The following RASA3 variants were observed in gnomAD, a reference collection of about 807,000 sequenced individuals.
The protein encoded by RASA3 is RAS p21 protein activator 3.
A neutral mutation model predicts 110.0 loss-of-function variants in RASA3; 73 were observed. The observed-to-expected ratio is 0.66, with a 90% confidence interval of 0.55 to 0.81. The LOEUF (loss-of-function observed/expected upper bound fraction) is 0.81. Ranked by LOEUF, RASA3 falls within the 30% of genes least tolerant of loss-of-function variation. RASA3 has a pLI of 0.00. For missense variants in RASA3, 976 were observed against 1,113.2 expected (o/e 0.88, Z 1.75); for synonymous variants, 500 against 451.4 (o/e 1.11, Z -1.37).
chr13:114,011,846 C>T lies in RASA3; in HGVS notation c.1513-598G>A, dbSNP rs1297847838. Among the ~76,000 whole-genome samples, 2 of 152,046 alleles carry T rather than the reference C, an allele frequency of 1.3e-5. No homozygotes were observed. Among genetic ancestry groups the T allele is most frequent in the East Asian group, 3.9e-4 (2 of 5,178 alleles). On this transcript the variant is annotated intron_variant, in intron 15 of 23. Coordinates refer to ENST00000334062, the MANE Select transcript of RASA3 (RefSeq NM_007368.4). This position sits in a 1 kb window ranked among gnomAD's most constrained non-coding sequence, Gnocchi z 4.8. Reference sequence around the variant, plus strand: ...CTGACGCACGAGAATTGCTTGAACCCAGGAGGCAGAGGTTGCAGTGAGCTG... The same window carrying T: ...CTGACGCACGAGAATTGCTTGAACCTAGGAGGCAGAGGTTGCAGTGAGCTG...
intron 3 of RASA3, among the ~76,000 whole-genome samples, chr13:114,042,294 G>A (rs1045270443): frequency 3.9e-5 from 6 of 152,220 alleles, no homozygotes; most frequent in African/African-American, 1.2e-4. Context: ...CGCACACTGC[G>A]GACCACGCCA....
intron 1 of RASA3, among the ~76,000 whole-genome samples, chr13:114,123,150 G>A (rs925486188): frequency 1.3e-5 from 2 of 152,178 alleles, no homozygotes; most frequent in African/African-American, 4.8e-5. Context: ...CCGGAAACAT[G>A]TGTCCTGCAC....
chr13:114,016,655 G>A (rs1168542383), intron 12 of RASA3, among the ~76,000 whole-genome samples: 1 of 152,246 alleles, frequency 6.6e-6, no homozygotes, highest in Non-Finnish European at 1.5e-5. Flanking sequence ...CAGGAGTGAT[G>A]TGCACCAGCC....
intron 2 of RASA3, among the ~76,000 whole-genome samples, chr13:114,063,678 G>A (rs2079399715): frequency 6.6e-6 from 1 of 152,192 alleles, no homozygotes; most frequent in Non-Finnish European, 1.5e-5. Flanking sequence ...GAGCAGCAGG[G>A]GTGAGCACCC....
intron 19 of RASA3, among the ~76,000 whole-genome samples, chr13:114,000,526 G>A (rs2053370320): frequency 6.6e-6 from 1 of 152,204 alleles, no homozygotes; most frequent in African/African-American, 2.4e-5. Context: ...GCCATGACGA[G>A]GCGACCAGAG....
chr13:114,112,122 G>C lies in RASA3; in HGVS notation c.55+20313C>G, dbSNP rs2080228458. Among the ~76,000 whole-genome samples the C allele has an allele frequency of 6.8e-6, 1 of 146,906 alleles. No individual in the cohort carries two copies. The highest frequency in any genetic ancestry group is 2.1e-4 in the East Asian group (1 of 4,808). Reference sequence around the variant, plus strand: ...GCACCCCCCCCAGCAACTGGGACAAGGGCACACCAGGCTAATTTTTAATCA... The same window carrying C: ...GCACCCCCCCCAGCAACTGGGACAACGGCACACCAGGCTAATTTTTAATCA... On this transcript the variant is annotated intron_variant, in intron 1 of 23. Transcript: ENST00000334062. The surrounding 1 kb of genome is among the most constrained non-coding windows in gnomAD (Gnocchi z 4.8).
intron 3 of RASA3, among the ~76,000 whole-genome samples, chr13:114,050,207 G>C (rs1250764926): frequency 6.6e-6 from 1 of 152,150 alleles, no homozygotes; most frequent in African/African-American, 2.4e-5. Context: ...GGGGTGCAGG[G>C]GTCACGCTGG....
In RASA3 at chr13:114,018,818, G is replaced by C. The variant is rs1393085894; in HGVS notation, c.887C>G (p.Ser296Cys). The change falls in exon 10 of 24, where the codon TCT becomes TGT. Residue 296 changes from serine to cysteine, a missense_variant. This residue lies in a region of RASA3 where 732 missense variants were observed against 779.7 expected (regional missense o/e 0.94). Transcript: ENST00000334062. ...NVVYTEDHVF[S>C]SDYYSPLRDL... ...CCGCAGAGGGCTGTAATAGTCAGAA[G>C]AAAACACGTGGTCTTCCGTGTATAC... The C allele has an allele frequency of 6.2e-7, 1 of 1,613,816 alleles. No homozygotes were observed. Among genetic ancestry groups the C allele is most frequent in the Non-Finnish European group, 8.5e-7 (1 of 1,180,000 alleles).
chr13:114,122,739 C>T (rs1042550229), intron 1 of RASA3, among the ~76,000 whole-genome samples: 8 of 151,482 alleles, frequency 5.3e-5, no homozygotes, highest in African/African-American at 1.2e-4. Flanking sequence ...AGGGGGTCTC[C>T]GGCCGGTCGG....
At chr13:114,018,970 G>A (rs754810342) in intron 9 of RASA3, 51 bp from the exon 10 acceptor site, 2 of 1,605,972 alleles carry the variant, frequency 1.2e-6, no homozygotes, top group Admixed American at 1.7e-5. Context: ...ATCTGCCAAG[G>A]AGCAGCTCTC....
intron 2 of RASA3, among the ~76,000 whole-genome samples, chr13:114,058,290 C>G (rs938100332): frequency 6.6e-6 from 1 of 152,152 alleles, no homozygotes; most frequent in African/African-American, 2.4e-5. Flanking sequence ...GCGGCGAGGC[C>G]GTCACCACCA....
At chr13:114,094,321 A>C (rs747423065) in intron 1 of RASA3, among the ~76,000 whole-genome samples, 3 of 152,244 alleles carry the variant, frequency 2.0e-5, no homozygotes, top group African/African-American at 2.4e-5. Flanking sequence ...TGCAAATCAA[A>C]ACAAACACGA....
At position 113,978,482 on chromosome 13, in the gene RASA3, CAT is replaced by C. The variant is rs2052829485; in HGVS notation, c.*863_*864del. On this transcript the variant is annotated 3_prime_UTR_variant, in exon 24 of 24. Transcript: ENST00000334062. ...CTAATTAAAAATGGTCCTTCAAAAA[CAT>C]AAAGAAAAACAGCTTGAAAAATGTA... 3 of 152,158 alleles carry C rather than the reference CAT, an allele frequency of 2.0e-5. No individual in the cohort carries two copies. The highest frequency in any genetic ancestry group is 4.4e-5 in the Non-Finnish European group (3 of 68,028). 9.4% of individuals were successfully genotyped at this position (152,158 alleles called of 1,614,324 possible).
chr13:114,122,786 G>A (rs915238529), intron 1 of RASA3, among the ~76,000 whole-genome samples: 19 of 152,112 alleles, frequency 1.2e-4, no homozygotes, highest in African/African-American at 2.9e-4. Flanking sequence ...GGGGGTCTCC[G>A]GCAGGTCGGC....
intron 8 of RASA3, among the ~76,000 whole-genome samples, chr13:114,023,571 G>C (rs1010712348): frequency 6.6e-6 from 1 of 152,226 alleles, no homozygotes; most frequent in Admixed American, 6.5e-5. Flanking sequence ...GGAACCCGCC[G>C]GGGTTTGTGA....
In RASA3 at chr13:114,014,106, GTCTC is replaced by G. The variant is rs112560884; in HGVS notation, c.1406-862_1406-859del. Among the ~76,000 whole-genome samples the G allele has an allele frequency of 2.8e-4, 36 of 130,902 alleles. No homozygotes were observed. Among genetic ancestry groups the G allele is most frequent in the African/African-American group, 6.0e-4 (21 of 34,856 alleles). The allele number at this position is 130,902 out of a possible 152,430, so 85.9% of individuals were successfully genotyped here. The stretch of plus-strand genomic sequence containing the variant: ...TCTGCCTCTCTCTCCGTCTCTCCCT[GTCTC>G]TCTCTCTCTCTCCTTGTCTCTCTCT... On this transcript the variant is annotated intron_variant, in intron 14 of 23. Coordinates refer to ENST00000334062, the MANE Select transcript of RASA3 (RefSeq NM_007368.4). The surrounding 1 kb of genome is among the most constrained non-coding windows in gnomAD (Gnocchi z 4.5).
intron 13 of RASA3, 79 bp downstream of exon 13, chr13:114,016,118 G>C: frequency 7.5e-7 from 1 of 1,330,544 alleles, no homozygotes; most frequent in Non-Finnish European, 1.1e-6. Flanking sequence ...CACGGGGTGA[G>C]TCAGAGCTTC....
intron 4 of RASA3, among the ~76,000 whole-genome samples, chr13:114,039,558 C>T (rs1410394002): frequency 6.6e-6 from 1 of 152,232 alleles, no homozygotes; most frequent in Non-Finnish European, 1.5e-5. Flanking sequence ...GGAAACCCTC[C>T]CACGTCCCAG....
At chr13:114,067,718 C>A (rs2079478247) in intron 2 of RASA3, among the ~76,000 whole-genome samples, 1 of 152,202 alleles carries the variant, frequency 6.6e-6, no homozygotes, top group Non-Finnish European at 1.5e-5. Context: ...CCACTGCGTG[C>A]ACACAGGACG....
Sources: gnomAD v4.1 joint callset for allele counts (sites outside exome capture counted in the v4.1 genomes callset) on GRCh38, gnomAD v4.1.1 for gene constraint, gnomAD v4.1.1 regional missense constraint, Gnocchi (gnomAD v3.1) non-coding constraint, MANE v1.5 for transcripts, NCBI Gene and HGNC (gene_info 2026-07-23, HGNC 2026-07-21) for gene names.